Variants in GUCY1B1 observed in about 807,000 individuals in gnomAD.
GUCY1B1 encodes the protein guanylate cyclase soluble subunit beta-1.
Under a neutral mutation model 71.0 loss-of-function variants are expected in GUCY1B1, and 43 were observed. That is an observed-to-expected ratio of 0.61 (90% CI 0.47 to 0.78). GUCY1B1 has a LOEUF of 0.78. Among genes scored for constraint, GUCY1B1 ranks in the 30% least tolerant of loss-of-function variants. GUCY1B1 has a pLI of 0.00. For missense variants in GUCY1B1, 535 were observed against 754.1 expected (o/e 0.71, Z 3.40); for synonymous variants, 266 against 259.7 (o/e 1.02, Z -0.23).
chr4:155,789,563 ATC>A, intron 4 of GUCY1B1, 149 bp from the exon 5 acceptor site: 1 of 478,626 alleles, frequency 2.1e-6, no homozygotes, highest in South Asian at 4.9e-5. Flanking sequence ...CTTTACAGAT[ATC>A]TCAGTGGAGT....
In GUCY1B1 at chr4:155,787,399, G is replaced by C. The variant is rs149504922; in HGVS notation, c.298-2315G>C. On this transcript the variant is annotated intron_variant, in intron 4 of 13. Transcript: ENST00000264424. ...GGGGAAGGAAACAGTAGATGCAGAC[G>C]GTTCAAAAAGTCACCAGATTTATCG... 1.8e-4 allele frequency among the ~76,000 whole-genome samples: 28 copies of C among 152,240 alleles called. No homozygotes were observed. The East Asian group carries it at 4.4e-3, about 24-fold the overall frequency.
At chr4:155,798,672 T>C (rs552227897) in intron 8 of GUCY1B1, among the ~76,000 whole-genome samples, 3 of 152,316 alleles carry the variant, frequency 2.0e-5, no homozygotes, top group African/African-American at 7.2e-5. Context: ...ATAGGATTAA[T>C]TCAAAATTCT....
At chr4:155,797,171 A>G (rs2111147586) in intron 8 of GUCY1B1, among the ~76,000 whole-genome samples, 1 of 152,320 alleles carries the variant, frequency 6.6e-6, no homozygotes, top group South Asian at 2.1e-4. Flanking sequence ...AGAACAATAG[A>G]AAAGATAACT....
intron 4 of GUCY1B1, chr4:155,785,168 TATTAA>T: frequency 1.9e-6 from 1 of 530,524 alleles, no homozygotes; most frequent in Non-Finnish European, 3.3e-6. Context: ...GAAATGAAAT[TATTAA>T]ATTAAAACCT....
Position 155,794,093 on chromosome 4 carries a change from T to C in GUCY1B1, c.726+7T>C, listed in dbSNP as rs767981791. The C allele has an allele frequency of 1.6e-5, 23 of 1,469,080 alleles. No individual in the cohort carries two copies. The highest frequency in any genetic ancestry group is 2.2e-5 in the Non-Finnish European group (23 of 1,049,386). 91.0% of individuals were successfully genotyped at this position (1,469,080 alleles called of 1,614,324 possible). A position where few individuals can be genotyped will look rare whatever the true frequency, so the allele number is the denominator to read the frequency against. On this transcript the variant is annotated splice_region_variant and intron_variant, in intron 6 of 13. Coordinates refer to ENST00000264424, the MANE Select transcript of GUCY1B1 (RefSeq NM_000857.5). Reference sequence around the variant, plus strand: ...ATACAGAGTTCTCCCCCAGGTAAAATGACAGCATACTTCCTTGGGGCCTGA... The same window carrying C: ...ATACAGAGTTCTCCCCCAGGTAAAACGACAGCATACTTCCTTGGGGCCTGA...
At chr4:155,785,451 C>T in intron 4 of GUCY1B1, 1 of 550,338 alleles carries the variant, frequency 1.8e-6, no homozygotes, top group Admixed American at 3.5e-5. Flanking sequence ...TTAGAAATAA[C>T]ACAGAATATC....
In GUCY1B1 at chr4:155,782,051, C is replaced by CT. The variant is rs567632573; in HGVS notation, c.297+4416dup. On this transcript the variant is annotated intron_variant, in intron 4 of 13. Transcript: ENST00000264424. The stretch of plus-strand genomic sequence containing the variant: ...TCCATGCTATTGCTATAGTCAATGT[C>CT]TTTTTTTGCGTTTTTTAATGTTTTA... 6.6e-5 allele frequency among the ~76,000 whole-genome samples: 10 copies of CT among 151,906 alleles called. No homozygotes were observed. The East Asian group carries it at 9.7e-4, about 15-fold the overall frequency.
intron 9 of GUCY1B1, 82 bp downstream of exon 9, chr4:155,800,156 A>G: frequency 2.3e-6 from 2 of 883,938 alleles, no homozygotes; most frequent in Non-Finnish European, 3.4e-6. Context: ...AACCAGACTA[A>G]AAAGCCATGT....
intron 2 of GUCY1B1, among the ~76,000 whole-genome samples, chr4:155,774,106 A>G (rs1737874282): frequency 6.6e-6 from 1 of 152,180 alleles, no homozygotes; most frequent in Non-Finnish European, 1.5e-5. Flanking sequence ...AACCTAGAGC[A>G]GTTTATATCA....
chr4:155,802,433 C>A lies in GUCY1B1; in HGVS notation c.1267C>A (p.Leu423Ile). The part of the protein sequence containing the change: ...PAKRYDNVTI[L>I]FSGIVGFNAF... ...CAAAAGATATGACAATGTGACCATC[C>A]TCTTTAGTGGCATTGTGGGCTTCAA... The change falls in exon 10 of 14, where the codon CTC becomes ATC. Residue 423 changes from leucine to isoleucine, a missense_variant. By Grantham distance (5) the Leu-to-Ile change is conservative. Coordinates refer to ENST00000264424, the MANE Select transcript of GUCY1B1 (RefSeq NM_000857.5). The surrounding 1 kb of genome is among the most constrained non-coding windows in gnomAD (Gnocchi z 4.3). 6.2e-7 allele frequency: 1 copy of A among 1,613,808 alleles called. No homozygotes were observed. The highest frequency in any genetic ancestry group is 1.1e-5 in the South Asian group (1 of 91,074).
chr4:155,793,924 A>G lies in GUCY1B1; in HGVS notation c.564A>G (p.Glu188=), dbSNP rs536803398. ...QFLIEEKESK[E]EDFYEDLDRF... ...TAATTGAAGAAAAAGAGTCAAAAGA[A>G]GAGGATTTTTATGAAGATCTTGACA... Residue 188 remains glutamate (E), a synonymous_variant, in exon 6 of 14, where the codon GAA becomes GAG. Transcript: ENST00000264424. 6 of 1,596,464 alleles carry G rather than the reference A, an allele frequency of 3.8e-6. No homozygotes were observed. In the African/African-American group the frequency reaches 8.0e-5, roughly 21 times the overall value.
intron 4 of GUCY1B1, among the ~76,000 whole-genome samples, chr4:155,786,271 C>CTTTTTTTT: frequency 8.1e-6 from 1 of 123,780 alleles, no homozygotes; most frequent in Non-Finnish European, 1.6e-5. Context: ...GTTCAATTTC[C>CTTTTTTTT]TTTTTTTTTT....
intron 2 of GUCY1B1, among the ~76,000 whole-genome samples, chr4:155,770,689 T>C (rs1195652816): frequency 6.6e-6 from 1 of 152,162 alleles, no homozygotes; most frequent in Non-Finnish European, 1.5e-5. Context: ...AAGAATAGGC[T>C]AGAGAAGGAA....
chr4:155,798,195 C>T (rs958948111), intron 8 of GUCY1B1, among the ~76,000 whole-genome samples: 2 of 152,306 alleles, frequency 1.3e-5, no homozygotes, highest in African/African-American at 4.8e-5. Flanking sequence ...AAGATTTGTA[C>T]TCACACTACA....
chr4:155,774,096 A>G (rs1163077558), intron 2 of GUCY1B1, among the ~76,000 whole-genome samples: 1 of 152,132 alleles, frequency 6.6e-6, no homozygotes, highest in Non-Finnish European at 1.5e-5. Context: ...GAATCCCTTT[A>G]ACCTAGAGCA....
chr4:155,783,013 C>A (rs1013437733), intron 4 of GUCY1B1, among the ~76,000 whole-genome samples: 3 of 152,328 alleles, frequency 2.0e-5, no homozygotes, highest in African/African-American at 7.2e-5. Context: ...AAGGGTAGAA[C>A]TTTCTAATTT....
In GUCY1B1 at chr4:155,759,064, C is replaced by T. The variant is rs1312651477; in HGVS notation, c.-77C>T. The T allele has an allele frequency of 1.3e-6, 2 of 1,487,972 alleles. No individual in the cohort carries two copies. Among genetic ancestry groups the T allele is most frequent in the East Asian group, 2.4e-5 (1 of 41,086 alleles). The allele number at this position is 1,487,972 out of a possible 1,614,324, so 92.2% of individuals were successfully genotyped here. On this transcript the variant is annotated 5_prime_UTR_variant, in exon 1 of 14. Coordinates refer to ENST00000264424, the MANE Select transcript of GUCY1B1 (RefSeq NM_000857.5). ...CTCCCCGGCCCGGTTGCGCTGTAGC[C>T]GCTGCCGCCTCTGCCTGGGTCCCTT... is the stretch of plus-strand genomic sequence containing the variant.
chr4:155,759,134 A>G lies in GUCY1B1; in HGVS notation c.-7A>G, dbSNP rs1465387162. 4 of 1,592,580 alleles carry G rather than the reference A, an allele frequency of 2.5e-6. No individual in the cohort carries two copies. The highest frequency in any genetic ancestry group is 1.7e-6 in the Non-Finnish European group (2 of 1,170,474). ...GGGCTGCCTCCCCGGCTCCCGGTGC[A>G]GACACCATGGTAAGTGCTCTCAGCC... On this transcript the variant is annotated 5_prime_UTR_variant, in exon 1 of 14. Coordinates refer to ENST00000264424, the MANE Select transcript of GUCY1B1 (RefSeq NM_000857.5).
At chr4:155,782,051 CT>C (rs567632573) in intron 4 of GUCY1B1, among the ~76,000 whole-genome samples, 1 of 151,788 alleles carries the variant, frequency 6.6e-6, no homozygotes, top group African/African-American at 2.4e-5. Flanking sequence ...TAGTCAATGT[CT>C]TTTTTTGCGT....
Sources: allele counts gnomAD v4.1 joint callset (sites outside exome capture counted in the v4.1 genomes callset), GRCh38; gene constraint gnomAD v4.1.1; non-coding constraint Gnocchi (gnomAD v3.1); transcripts MANE v1.5; gene names NCBI Gene and HGNC (gene_info 2026-07-23, HGNC 2026-07-21).